Variants in LRP12 observed in about 807,000 individuals in gnomAD.
LRP12 encodes the protein low-density lipoprotein receptor-related protein 12.
A neutral mutation model predicts 66.0 loss-of-function variants in LRP12; 14 were observed. The ratio of observed to expected loss-of-function variants is 0.21; its 90% CI spans 0.14 to 0.33. The LOEUF is 0.33. Ranked by LOEUF, LRP12 falls within the 10% of genes least tolerant of loss-of-function variation. The pLI, the probability that LRP12 is intolerant of heterozygous loss-of-function variation, is 1.00. For missense variants in LRP12, 889 were observed against 1,053.4 expected (o/e 0.84, Z 2.16); for synonymous variants, 357 against 359.1 (o/e 0.99, Z 0.07).
At chr8:104,539,489 T>C (rs1246299814) in intron 1 of LRP12, among the ~76,000 whole-genome samples, 1 of 150,832 alleles carries the variant, frequency 6.6e-6, no homozygotes, top group African/African-American at 2.4e-5. Context: ...ATAGGAAATT[T>C]TTTAAACAAA....
chr8:104,505,918 C>CTT (rs1810899714), intron 3 of LRP12: 1 of 152,120 alleles, frequency 6.6e-6, no homozygotes, highest in Non-Finnish European at 1.5e-5. Flanking sequence ...TTTATTTTCA[C>CTT]TAACCTTTTA....
intron 2 of LRP12, among the ~76,000 whole-genome samples, chr8:104,511,030 CTTTTTTTTTTTTTTT>C (rs11350393): frequency 3.7e-5 from 2 of 54,324 alleles, no homozygotes; most frequent in East Asian, 7.0e-4. Flanking sequence ...GGAAAAATGA[CTTTTTTTTTTTTTTT>C]TTTTTTTTTT....
intron 2 of LRP12, among the ~76,000 whole-genome samples, chr8:104,511,829 C>CA (rs1318770001): frequency 6.6e-6 from 1 of 151,862 alleles, no homozygotes; most frequent in Non-Finnish European, 1.5e-5. Context: ...AGAACAGATT[C>CA]ATGGCATACA....
At chr8:104,530,661 T>C (rs1444549237) in intron 2 of LRP12, among the ~76,000 whole-genome samples, 1 of 152,174 alleles carries the variant, frequency 6.6e-6, no homozygotes, top group East Asian at 1.9e-4. Flanking sequence ...TAAAAGTTTA[T>C]AATGGGTCCT....
chr8:104,532,543 A>G (rs1017508241), intron 1 of LRP12, among the ~76,000 whole-genome samples: 1 of 152,136 alleles, frequency 6.6e-6, no homozygotes, highest in Non-Finnish European at 1.5e-5. Flanking sequence ...TATTTTATAC[A>G]TCATTAGTTC....
At chr8:104,545,917 GATT>G (rs1811549144) in intron 1 of LRP12, among the ~76,000 whole-genome samples, 2 of 152,068 alleles carry the variant, frequency 1.3e-5, no homozygotes, top group Non-Finnish European at 1.5e-5. Flanking sequence ...TTAGCTTGTA[GATT>G]ATATTATAAC....
chr8:104,491,435 A>T lies in LRP12; in HGVS notation c.1818T>A (p.Ile606=). The change falls in exon 7 of 7, where the codon ATT becomes ATA. Residue 606 remains isoleucine, a synonymous_variant. Transcript: ENST00000276654. ...AATGACGTGATCTTGCAAAATTAAA[A>T]ATACGGTTCCAAATGTTGCTTGATC... ...AGRSSNIWNR[I]FNFARSRHSG... 6.2e-7 allele frequency: 1 copy of T among 1,614,114 alleles called. No individual in the cohort carries two copies. Among genetic ancestry groups the T allele is most frequent in the Non-Finnish European group, 8.5e-7 (1 of 1,180,020 alleles).
chr8:104,548,577 A>G (rs13268265), intron 1 of LRP12, among the ~76,000 whole-genome samples: 2,181 of 77,636 alleles, frequency 0.028, 29 homozygotes, highest in Middle Eastern at 0.035. Flanking sequence ...ATAATTCTAT[A>G]TTATATTTTG....
In LRP12 at chr8:104,571,891, C is replaced by A. The variant is rs187304893; in HGVS notation, c.79+16928G>T. 2.2e-3 allele frequency among the ~76,000 whole-genome samples: 329 copies of A among 152,290 alleles called. 4 individuals are homozygous for A. Among genetic ancestry groups the A allele is most frequent in the Non-Finnish European group, 6.2e-4 (42 of 68,026 alleles). Reference sequence around the variant, plus strand: ...AGGTCTGCAGAAAAATTGTCTTCCACAAAACTGGTCCCTGGTGTCAGAAAG... The same window carrying A: ...AGGTCTGCAGAAAAATTGTCTTCCAAAAAACTGGTCCCTGGTGTCAGAAAG... On this transcript the variant is annotated intron_variant, in intron 1 of 6. Coordinates refer to ENST00000276654, the MANE Select transcript of LRP12 (RefSeq NM_013437.5).
At chr8:104,492,393 A>G (rs1810650100) in intron 6 of LRP12, among the ~76,000 whole-genome samples, 1 of 152,174 alleles carries the variant, frequency 6.6e-6, no homozygotes, top group Non-Finnish European at 1.5e-5. Context: ...ATTATATAAG[A>G]TAGTCTTTAA....
chr8:104,578,816 A>C (rs1812204303), intron 1 of LRP12, among the ~76,000 whole-genome samples: 1 of 152,196 alleles, frequency 6.6e-6, no homozygotes, highest in South Asian at 2.1e-4. Flanking sequence ...AAGAGAGCTA[A>C]AGACAAAAAC....
chr8:104,499,254 G>C (rs892333560), intron 4 of LRP12, 63 bp downstream of exon 4: 2 of 1,278,100 alleles, frequency 1.6e-6, no homozygotes, highest in African/African-American at 3.0e-5. Context: ...GATTAGCTCC[G>C]AAGTGACAGA....
chr8:104,495,539 A>C (rs1038916829), intron 5 of LRP12: 5 of 179,590 alleles, frequency 2.8e-5, no homozygotes, highest in Non-Finnish European at 4.7e-5. Flanking sequence ...ATATACGTTG[A>C]AGCCACTGCG....
intron 2 of LRP12, among the ~76,000 whole-genome samples, chr8:104,520,211 G>C (rs1248608963): frequency 1.3e-5 from 2 of 152,064 alleles, no homozygotes; most frequent in East Asian, 3.9e-4. Context: ...CATAACGTAA[G>C]ATGAATAGAG....
chr8:104,493,855 C>T (rs1162785981), intron 6 of LRP12, among the ~76,000 whole-genome samples: 1 of 152,182 alleles, frequency 6.6e-6, no homozygotes, highest in African/African-American at 2.4e-5. Flanking sequence ...CTGGAAGGTC[C>T]ATGTTTGGTA....
At chr8:104,503,297 A>C (rs1396502029) in intron 3 of LRP12, among the ~76,000 whole-genome samples, 1 of 132,500 alleles carries the variant, frequency 7.5e-6, no homozygotes, top group African/African-American at 2.9e-5. Context: ...ACTGCACTCC[A>C]GCCTGGGTGA....
Position 104,497,835 on chromosome 8 carries a change from A to G in LRP12, c.717T>C (p.Cys239=). 6.2e-7 allele frequency: 1 copy of G among 1,614,216 alleles called. No individual in the cohort carries two copies. The highest frequency in any genetic ancestry group is 8.5e-7 in the Non-Finnish European group (1 of 1,180,034). ...GGTCAAGGCAGTCAATGTTCCCATC[A>G]CATTTTAAAGATTCGGGGAGGCAAG... The part of the protein sequence containing the change: ...VYTCLPESLK[C]DGNIDCLDLG... Residue 239 remains cysteine (C), a synonymous_variant, in exon 5 of 7, where the codon TGT becomes TGC. Transcript: ENST00000276654. This position sits in a 1 kb window ranked among gnomAD's most constrained non-coding sequence, Gnocchi z 4.3.
rs957484213 is a variant in LRP12 at position 104,588,617 on chromosome 8, G to A, written c.79+202C>T. Among the ~76,000 whole-genome samples, 7 of 152,140 alleles carry A rather than the reference G, an allele frequency of 4.6e-5. No homozygotes were observed. The East Asian group carries it at 7.8e-4, about 17-fold the overall frequency. On this transcript the variant is annotated intron_variant, in intron 1 of 6. Coordinates refer to ENST00000276654, the MANE Select transcript of LRP12 (RefSeq NM_013437.5). The stretch of plus-strand genomic sequence containing the variant: ...CCCCAGCCCCTCTCCACCACCCGAG[G>A]GTCTGGAGGTGGACGAGTGGAGAAA...
At chr8:104,543,047 A>G (rs1452487159) in intron 1 of LRP12, among the ~76,000 whole-genome samples, 1 of 151,590 alleles carries the variant, frequency 6.6e-6, no homozygotes, top group Non-Finnish European at 1.5e-5. Context: ...ACATACACCC[A>G]AAGAAGCATG....
Sources: allele counts gnomAD v4.1 joint callset (sites outside exome capture counted in the v4.1 genomes callset), GRCh38; gene constraint gnomAD v4.1.1; non-coding constraint Gnocchi (gnomAD v3.1); transcripts MANE v1.5; gene names NCBI Gene and HGNC (gene_info 2026-07-23, HGNC 2026-07-21).